ANGPT2: variants seen among roughly 807,000 people sequenced by gnomAD.
ANGPT2 encodes the protein angiopoietin 2, also known as angiopoietin-2.
In ANGPT2, 28 loss-of-function variants were observed where a neutral mutation model predicts 62.9. The observed-to-expected ratio is 0.44, with a 90% CI of 0.33 to 0.61. The LOEUF (loss-of-function observed/expected upper bound fraction) is 0.61, where lower values mean the gene tolerates loss of function less well. Among genes scored for constraint, ANGPT2 ranks in the 20% least tolerant of loss-of-function variants. The pLI, the probability that ANGPT2 is intolerant of heterozygous loss-of-function variation, is 0.03. For missense variants in ANGPT2, 727 were observed against 594.9 expected, an observed-to-expected ratio of 1.22 and a Z score of -2.31; for synonymous variants, 284 against 207.8, an observed-to-expected ratio of 1.37 and a Z score of -3.15.
intron 1 of ANGPT2, 70 bp from the exon 2 acceptor site, chr8:6,532,557 C>T: frequency 2.0e-6 from 2 of 1,024,988 alleles, no homozygotes; most frequent in South Asian, 4.9e-5. Flanking sequence ...AAATGTTTGT[C>T]GTCTCCTCCC....
At chr8:6,535,099 A>T (rs1364441879) in intron 1 of ANGPT2, among the ~76,000 whole-genome samples, 1 of 152,238 alleles carries the variant, frequency 6.6e-6, no homozygotes, top group Non-Finnish European at 1.5e-5. Context: ...ATAATAATTT[A>T]CAAAGTGGTA....
At chr8:6,511,081 T>G (rs1814985878) in intron 7 of ANGPT2, among the ~76,000 whole-genome samples, 1 of 152,238 alleles carries the variant, frequency 6.6e-6, no homozygotes, top group African/African-American at 2.4e-5. Context: ...TTGTCTCCTT[T>G]GAACATGTTT....
At chr8:6,528,309 G>A (rs1818768778) in intron 2 of ANGPT2, among the ~76,000 whole-genome samples, 1 of 152,224 alleles carries the variant, frequency 6.6e-6, no homozygotes, top group Non-Finnish European at 1.5e-5. Context: ...AATGAGACAA[G>A]TAGGAGTATA....
At chr8:6,523,534 T>G (rs560434091) in intron 3 of ANGPT2, among the ~76,000 whole-genome samples, 1 of 152,306 alleles carries the variant, frequency 6.6e-6, no homozygotes, top group Non-Finnish European at 1.5e-5. Flanking sequence ...GTTAACTGTT[T>G]CCCAGGAACA....
chr8:6,559,230 A>AACACAAAC (rs1554453151), intron 1 of ANGPT2, among the ~76,000 whole-genome samples: 1 of 146,726 alleles, frequency 6.8e-6, no homozygotes, highest in Non-Finnish European at 1.5e-5. Context: ...CACACACGAC[A>AACACAAAC]ACACACACAC....
In ANGPT2 at chr8:6,562,640, T is replaced by C; in HGVS notation, c.288+7A>G. 1 of 1,388,116 alleles carries C rather than the reference T, an allele frequency of 7.2e-7. No homozygotes were observed. Among genetic ancestry groups the C allele is most frequent in the Non-Finnish European group, 9.7e-7 (1 of 1,032,574 alleles). 86.0% of individuals were successfully genotyped at this position (1,388,116 alleles called of 1,614,324 possible). On this transcript the variant is annotated splice_region_variant and intron_variant, in intron 1 of 8. Coordinates refer to ENST00000629816, the MANE Select transcript of ANGPT2 (RefSeq NM_001118887.2). ...TGTTCACAAAGACAGATGGATTTTT[T>C]TCCTACCTTCATTAGCCACTGAGTG... is the stretch of plus-strand genomic sequence containing the variant.
intron 2 of ANGPT2, among the ~76,000 whole-genome samples, chr8:6,530,158 G>C (rs1304263011): frequency 1.3e-5 from 2 of 152,066 alleles, no homozygotes; most frequent in African/African-American, 2.4e-5. Flanking sequence ...AAAAGGTGGG[G>C]CATGTGACTT....
intron 5 of ANGPT2, among the ~76,000 whole-genome samples, chr8:6,517,754 A>G (rs1816547812): frequency 6.6e-6 from 1 of 152,152 alleles, no homozygotes; most frequent in Non-Finnish European, 1.5e-5. Flanking sequence ...GCTCTCAGAA[A>G]GGTTAAATGA....
chr8:6,541,502 T>C (rs1821570321), intron 1 of ANGPT2, among the ~76,000 whole-genome samples: 1 of 152,134 alleles, frequency 6.6e-6, no homozygotes. Flanking sequence ...AAGCCAGGGT[T>C]GTCATGCAGG....
rs60113233 is a variant in ANGPT2, at chr8:6,529,795, C to A, written c.445-2119G>T. On this transcript the variant is annotated intron_variant, in intron 2 of 8. Transcript: ENST00000629816. ...AGCCATTTTCATGTGTTTAATTGGG[C>A]TTCACATGGAAAAACTGCTTACTTT... is the stretch of plus-strand genomic sequence containing the variant. 4.8e-3 allele frequency among the ~76,000 whole-genome samples: 725 copies of A among 151,654 alleles called. 8 individuals are homozygous for A. The highest frequency in any genetic ancestry group is 0.015 in the African/African-American group (637 of 41,408).
At chr8:6,554,302 AAG>A (rs1266613942) in intron 1 of ANGPT2, among the ~76,000 whole-genome samples, 1 of 145,368 alleles carries the variant, frequency 6.9e-6, no homozygotes, top group Non-Finnish European at 1.5e-5. Context: ...GGATTTTAAA[AAG>A]AGAGAAAAAA....
intron 1 of ANGPT2, among the ~76,000 whole-genome samples, chr8:6,561,139 A>T (rs1374870459): frequency 2.0e-5 from 3 of 152,218 alleles, no homozygotes; most frequent in Non-Finnish European, 4.4e-5. Flanking sequence ...CATACTTTTT[A>T]AGCTTAGCGT....
chr8:6,531,608 A>G (rs1314177188), intron 2 of ANGPT2, among the ~76,000 whole-genome samples: 2 of 152,088 alleles, frequency 1.3e-5, no homozygotes, highest in Non-Finnish European at 2.9e-5. Context: ...TGACTATTTC[A>G]GTCTTCTTTC....
chr8:6,529,874 C>A (rs1319722360), intron 2 of ANGPT2, among the ~76,000 whole-genome samples: 1 of 124,200 alleles, frequency 8.1e-6, no homozygotes, highest in Non-Finnish European at 1.9e-5. Context: ...TCTAGTTTCA[C>A]AATAGGCGTT....
intron 2 of ANGPT2, among the ~76,000 whole-genome samples, chr8:6,530,857 T>C (rs1819367730): frequency 6.6e-6 from 1 of 152,234 alleles, no homozygotes; most frequent in Non-Finnish European, 1.5e-5. Flanking sequence ...CCTTCTAGAA[T>C]GAGTCTTACG....
rs775503402 is a variant in ANGPT2 at position 6,519,858 on chromosome 8, C to T, written c.927+6G>A. ...GGGAGTTAGTAAGGGGAGACGAATA[C>T]CTCACCTTGATCTCTTCTGTAGAAT... On this transcript the variant is annotated splice_donor_region_variant and intron_variant, in intron 5 of 8. Coordinates refer to ENST00000629816, the MANE Select transcript of ANGPT2 (RefSeq NM_001118887.2). 3 of 1,613,554 alleles carry T rather than the reference C, an allele frequency of 1.9e-6. No homozygotes were observed. The highest frequency in any genetic ancestry group is 2.5e-6 in the Non-Finnish European group (3 of 1,179,680).
intron 5 of ANGPT2, among the ~76,000 whole-genome samples, chr8:6,515,273 C>T (rs1296436206): frequency 6.6e-6 from 1 of 152,124 alleles, no homozygotes. Flanking sequence ...GTTTGGAGGA[C>T]TCCTGTTACA....
At chr8:6,521,449 C>G (rs1399178836) in intron 3 of ANGPT2, 39 bp from the exon 4 acceptor site, 2 of 1,370,404 alleles carry the variant, frequency 1.5e-6, no homozygotes, top group South Asian at 1.3e-5. Context: ...GAAGGCTATT[C>G]TAATGAAATA....
chr8:6,529,029 T>C (rs1390821241), intron 2 of ANGPT2, among the ~76,000 whole-genome samples: 1 of 152,200 alleles, frequency 6.6e-6, no homozygotes, highest in Admixed American at 6.5e-5. Flanking sequence ...AACTGGAAAA[T>C]TGTGTCCTGT....
Sources: allele counts gnomAD v4.1 joint callset (sites outside exome capture counted in the v4.1 genomes callset), GRCh38; gene constraint gnomAD v4.1.1; transcripts MANE v1.5; gene names NCBI Gene and HGNC (gene_info 2026-07-23, HGNC 2026-07-21).